Variants in APLP1 observed in about 807,000 individuals in gnomAD.
The protein encoded by APLP1 is amyloid beta precursor like protein 1, also known as amyloid beta (A4) precursor-like protein 1.
APLP1 carries 46 observed loss-of-function variants against 84.5 expected under a neutral mutation model. That is an observed-to-expected ratio of 0.54 (90% CI 0.43 to 0.70). APLP1 has a LOEUF of 0.70. APLP1 is among the 30% of genes least tolerant of loss of function. The pLI is 0.00. For synonymous variants in APLP1, 376 were observed against 364.0 expected (o/e 1.03, Z -0.38); for missense variants, 826 against 900.2 (o/e 0.92, Z 1.05).
intron 1 of APLP1, 171 bp from the exon 2 acceptor site, chr19:35,869,496 C>G (rs1316666446): frequency 1.1e-6 from 1 of 929,208 alleles, no homozygotes. Context: ...CGCTGGGGCG[C>G]CCCCGCCCTA....
chr19:35,869,245 T>C, intron 1 of APLP1: 1 of 453,308 alleles, frequency 2.2e-6, no homozygotes, highest in Non-Finnish European at 3.9e-6. Context: ...AAGGACCTGG[T>C]GTCCAGGACT....
chr19:35,879,300 G>A, intron 16 of APLP1, 43 bp from the exon 17 acceptor site: 1 of 1,610,336 alleles, frequency 6.2e-7, no homozygotes, highest in South Asian at 1.1e-5. Flanking sequence ...GGGCAGTCCC[G>A]CCCCCGCACC....
rs1974321845 is a variant in APLP1, at chr19:35,877,903, A to G, written c.1552+78A>G. 3.6e-6 allele frequency: 5 copies of G among 1,380,310 alleles called. No homozygotes were observed. The East Asian group carries it at 1.2e-4, about 32-fold the overall frequency. 85.5% of individuals were successfully genotyped at this position (1,380,310 alleles called of 1,614,324 possible). On this transcript the variant is annotated intron_variant, in intron 12 of 16. Transcript: ENST00000221891. ...CTAATTTGTAATCCCCTAGAGTCTG[A>G]GGGTGTCTTCACCACCACAGTGACT...
chr19:35,872,554 G>C lies in APLP1; in HGVS notation c.922G>C (p.Glu308Gln). Reference sequence around the variant, plus strand: ...CATGCCTGGGGAAATCAGTGAGCACGAGGGGTTCCTGAGGGCCAAGATGGA... The same window carrying C: ...CATGCCTGGGGAAATCAGTGAGCACCAGGGGTTCCTGAGGGCCAAGATGGA... ...FGMPGEISEHEGFLRAKMDLE... is the reference protein window; with the variant it reads ...FGMPGEISEHQGFLRAKMDLE... The change falls in exon 7 of 17, where the codon GAG becomes CAG. Residue 308 changes from glutamate (E) to glutamine (Q), a missense_variant. Physicochemically the swap from Glu to Gln is conservative, Grantham distance 29. Coordinates refer to ENST00000221891, the MANE Select transcript of APLP1 (RefSeq NM_001024807.3). The C allele has an allele frequency of 6.2e-7, 1 of 1,613,902 alleles. No homozygotes were observed. The highest frequency in any genetic ancestry group is 8.5e-7 in the Non-Finnish European group (1 of 1,179,930).
In APLP1 at chr19:35,878,182, C is replaced by T. The variant is rs1974326652; in HGVS notation, c.1579+74C>T. 8.1e-6 allele frequency: 12 copies of T among 1,481,364 alleles called. No homozygotes were observed. The Admixed American group carries it at 2.2e-4, about 27-fold the overall frequency. 91.8% of individuals were successfully genotyped at this position (1,481,364 alleles called of 1,614,324 possible). A position where few individuals can be genotyped will look rare whatever the true frequency, so the allele number is the denominator to read the frequency against. On this transcript the variant is annotated intron_variant, in intron 13 of 16. Coordinates refer to ENST00000221891, the MANE Select transcript of APLP1 (RefSeq NM_001024807.3). Reference sequence around the variant, plus strand: ...GAACCCAGAAGGAAACAGGGTCCATCCATTGGGAACCTCAGACCCCCTGGG... The same window carrying T: ...GAACCCAGAAGGAAACAGGGTCCATTCATTGGGAACCTCAGACCCCCTGGG...
At chr19:35,869,856 A>G (rs1475936473) in intron 2 of APLP1, 46 bp downstream of exon 2, 7 of 1,547,162 alleles carry the variant, frequency 4.5e-6, no homozygotes, top group Non-Finnish European at 6.1e-6. Flanking sequence ...ATAGAAAGCT[A>G]GACTTGAAAA....
intron 4 of APLP1, 57 bp downstream of exon 4, chr19:35,871,406 AAC>A: frequency 6.7e-7 from 1 of 1,482,292 alleles, no homozygotes; most frequent in Non-Finnish European, 9.3e-7. Flanking sequence ...TGGGACCTCT[AAC>A]ACCCTCCGCC....
Position 35,879,146 on chromosome 19 carries a change from C to T in APLP1, c.1786C>T (p.Leu596Phe). The T allele has an allele frequency of 7.4e-6, 12 of 1,612,614 alleles. No homozygotes were observed. The highest frequency in any genetic ancestry group is 8.5e-6 in the Non-Finnish European group (10 of 1,180,000). Residue 596 changes from leucine (L) to phenylalanine (F), a missense_variant, in exon 16 of 17, where the codon CTC becomes TTC. Coordinates refer to ENST00000221891, the MANE Select transcript of APLP1 (RefSeq NM_001024807.3). ...GATCATGGGAGCGGGCGGAGGCTCCCTCATCGTCCTCTCCATGCTGCTCCT... is the reference window on the plus strand; with the variant it reads ...GATCATGGGAGCGGGCGGAGGCTCCTTCATCGTCCTCTCCATGCTGCTCCT... ...LLIMGAGGGS[L>F]IVLSMLLLRR...
At chr19:35,878,432 G>C (rs1321136661) in intron 13 of APLP1, 152 bp from the exon 14 acceptor site, 1 of 755,166 alleles carries the variant, frequency 1.3e-6, no homozygotes, top group Admixed American at 2.5e-5. Context: ...TGTAGTCCCA[G>C]CTGCTCAGGA....
chr19:35,879,525 C>A lies in APLP1; in HGVS notation c.*84C>A. On this transcript the variant is annotated 3_prime_UTR_variant, in exon 17 of 17. Transcript: ENST00000221891. ...AACCCCAACTCCCAGCCTAGGGCAG[C>A]AGGGAGTCTTGAAGTGATCATTTCA... 8.2e-7 allele frequency: 1 copy of A among 1,218,490 alleles called. No homozygotes were observed. Among genetic ancestry groups the A allele is most frequent in the Non-Finnish European group, 1.2e-6 (1 of 834,400 alleles). 75.5% of individuals were successfully genotyped at this position (1,218,490 alleles called of 1,614,324 possible). A position where few individuals can be genotyped will look rare whatever the true frequency, so the allele number is the denominator to read the frequency against.
Position 35,874,974 on chromosome 19 carries a change from T to G in APLP1, c.1344+105T>G. On this transcript the variant is annotated intron_variant, in intron 10 of 16. Coordinates refer to ENST00000221891, the MANE Select transcript of APLP1 (RefSeq NM_001024807.3). This position sits in a 1 kb window ranked among gnomAD's most constrained non-coding sequence, Gnocchi z 6.4. ...ACCCTCTTTCTGTCTCTTGGACCCC[T>G]TCCTATCCCCTGAACACCGCTTCTC... is the stretch of plus-strand genomic sequence containing the variant. 1 of 1,458,024 alleles carries G rather than the reference T, an allele frequency of 6.9e-7. No individual in the cohort carries two copies. Among genetic ancestry groups the G allele is most frequent in the Non-Finnish European group, 9.1e-7 (1 of 1,093,008 alleles). The allele number at this position is 1,458,024 out of a possible 1,614,324, so 90.3% of individuals were successfully genotyped here. A position where few individuals can be genotyped will look rare whatever the true frequency, so the allele number is the denominator to read the frequency against.
chr19:35,874,964 C>G lies in APLP1; in HGVS notation c.1344+95C>G. On this transcript the variant is annotated intron_variant, in intron 10 of 16. Transcript: ENST00000221891. The surrounding 1 kb of genome is among the most constrained non-coding windows in gnomAD (Gnocchi z 6.4). Reference sequence around the variant, plus strand: ...TGTCCCTTAGACCCTCTTTCTGTCTCTTGGACCCCTTCCTATCCCCTGAAC... The same window carrying G: ...TGTCCCTTAGACCCTCTTTCTGTCTGTTGGACCCCTTCCTATCCCCTGAAC... The G allele has an allele frequency of 4.0e-6, 6 of 1,487,832 alleles. No individual in the cohort carries two copies. The highest frequency in any genetic ancestry group is 5.4e-6 in the Non-Finnish European group (6 of 1,114,254). 92.2% of individuals were successfully genotyped at this position (1,487,832 alleles called of 1,614,324 possible). A position where few individuals can be genotyped will look rare whatever the true frequency, so the allele number is the denominator to read the frequency against.
chr19:35,869,847 T>G (rs1261774357), intron 2 of APLP1, 37 bp downstream of exon 2: 1 of 1,550,738 alleles, frequency 6.4e-7, no homozygotes, highest in African/African-American at 1.4e-5. Flanking sequence ...GGGCCGCCCA[T>G]AGAAAGCTAG....
intron 7 of APLP1, among the ~76,000 whole-genome samples, chr19:35,873,309 T>C (rs1362654003): frequency 6.7e-6 from 1 of 150,316 alleles, no homozygotes; most frequent in Non-Finnish European, 1.5e-5. Context: ...TGCAGTGACG[T>C]GATCTCCCAC....
chr19:35,873,821 C>T, intron 8 of APLP1, 108 bp downstream of exon 8: 1 of 996,364 alleles, frequency 1.0e-6, no homozygotes, highest in Non-Finnish European at 1.5e-6. Flanking sequence ...CCCCTTCCCA[C>T]CTATCTCAGC....
chr19:35,870,703 G>T (rs1381199243), intron 2 of APLP1, 193 bp from the exon 3 acceptor site: 7 of 692,606 alleles, frequency 1.0e-5, no homozygotes, highest in Non-Finnish European at 1.4e-5. Flanking sequence ...AGAATCGCTT[G>T]AACCTGGGAG....
Position 35,874,899 on chromosome 19 carries a change from G to A in APLP1, c.1344+30G>A, listed in dbSNP as rs765019201. 7.5e-6 allele frequency: 12 copies of A among 1,599,946 alleles called. No individual in the cohort carries two copies. Among genetic ancestry groups the A allele is most frequent in the Admixed American group, 3.3e-5 (2 of 59,770 alleles). ...TCACATCCTTCCAGCTCCCAAATGC[G>A]CCGCTATTCCTCAGACGCCCGCGCC... On this transcript the variant is annotated intron_variant, in intron 10 of 16. Transcript: ENST00000221891. The surrounding 1 kb of genome is among the most constrained non-coding windows in gnomAD (Gnocchi z 6.4).
chr19:35,871,910 G>C lies in APLP1; in HGVS notation c.724G>C (p.Asp242His). The C allele has an allele frequency of 6.2e-7, 1 of 1,614,164 alleles. No individual in the cohort carries two copies. Among genetic ancestry groups the C allele is most frequent in the Non-Finnish European group, 8.5e-7 (1 of 1,180,030 alleles). The change falls in exon 6 of 17, where the codon GAC (aspartate) becomes CAC (histidine). Residue 242 changes from aspartate to histidine, a missense_variant. Coordinates refer to ENST00000221891, the MANE Select transcript of APLP1 (RefSeq NM_001024807.3). Reference protein sequence around the residue: ...PPGSRVEGAEDEEEEESFPQP... With the variant: ...PPGSRVEGAEHEEEEESFPQP... ...GGGGAGCAGAGTAGAGGGGGCTGAGGACGAGGAAGAGGAGGAATCCTTCCC... is the reference window on the plus strand; with the variant it reads ...GGGGAGCAGAGTAGAGGGGGCTGAGCACGAGGAAGAGGAGGAATCCTTCCC...
At chr19:35,878,301 T>C (rs1455547305) in intron 13 of APLP1, among the ~76,000 whole-genome samples, 193 bp downstream of exon 13, 1 of 152,102 alleles carries the variant, frequency 6.6e-6, no homozygotes, top group Non-Finnish European at 1.5e-5. Context: ...ATCCTAGCAC[T>C]TTCAGAGGCT....
Sources: gnomAD v4.1 joint callset for allele counts (sites outside exome capture counted in the v4.1 genomes callset) on GRCh38, gnomAD v4.1.1 for gene constraint, Gnocchi (gnomAD v3.1) non-coding constraint, MANE v1.5 for transcripts, NCBI Gene and HGNC (gene_info 2026-07-23, HGNC 2026-07-21) for gene names.